PPP6R1: variants seen among roughly 807,000 people sequenced by gnomAD.
PPP6R1 encodes the protein serine/threonine-protein phosphatase 6 regulatory subunit 1.
In PPP6R1, 39 loss-of-function variants were observed where a neutral mutation model predicts 104.6. The ratio of observed to expected loss-of-function variants is 0.37; its 90% CI spans 0.29 to 0.49. PPP6R1 has a LOEUF of 0.49. Among genes scored for constraint, PPP6R1 ranks in the 20% least tolerant of loss-of-function variants. The probability of loss-of-function intolerance (pLI) is 0.98; values close to 1 mark genes in which losing one functional copy is unlikely to be tolerated. For synonymous variants in PPP6R1, 549 were observed against 479.0 expected (o/e 1.15, Z -1.91); for missense variants, 1,181 against 1,155.8 (o/e 1.02, Z -0.32).
chr19:55,240,639 A>T (rs1047997764), intron 10 of PPP6R1, among the ~76,000 whole-genome samples: 1 of 137,052 alleles, frequency 7.3e-6, no homozygotes, highest in East Asian at 2.0e-4. Context: ...ATGCTCTCAC[A>T]CACGCTTGCA....
chr19:55,237,115 A>C, intron 15 of PPP6R1, 145 bp from the exon 16 acceptor site: 1 of 827,756 alleles, frequency 1.2e-6, no homozygotes, highest in Non-Finnish European at 2.0e-6. Context: ...CACAACCCGA[A>C]CCACTGGTCC....
chr19:55,246,916 T>C lies in PPP6R1; in HGVS notation c.188A>G (p.Gln63Arg), dbSNP rs2057702138. Residue 63 changes from glutamine (Q) to arginine (R), a missense_variant, in exon 2 of 24, where the codon CAG becomes CGG. By Grantham distance (43) the Gln-to-Arg change is conservative. Coordinates refer to ENST00000412770, the MANE Select transcript of PPP6R1 (RefSeq NM_014931.4). Reference sequence around the variant, plus strand: ...CTCCTCACCGCTATCTGGCGGCTCCTGGGTGACCCAGGCCACCATTGCTTG... The same window carrying C: ...CTCCTCACCGCTATCTGGCGGCTCCCGGGTGACCCAGGCCACCATTGCTTG... ...HLQAMVAWVT[Q>R]EPPDSGEERL... 6.2e-7 allele frequency: 1 copy of C among 1,613,108 alleles called. No individual in the cohort carries two copies. Among genetic ancestry groups the C allele is most frequent in the Non-Finnish European group, 8.5e-7 (1 of 1,179,516 alleles).
rs1214493268 is a variant in PPP6R1, at chr19:55,238,362, C to G, written c.1751+1043G>C. Among the ~76,000 whole-genome samples the G allele has an allele frequency of 3.3e-5, 5 of 152,236 alleles. No individual in the cohort carries two copies. In the South Asian group the frequency reaches 1.0e-3, roughly 31 times the overall value. On this transcript the variant is annotated intron_variant, in intron 15 of 23. Coordinates refer to ENST00000412770, the MANE Select transcript of PPP6R1 (RefSeq NM_014931.4). ...GTCCAGCTGTGGACTAAGCCAGGAACAGCTGACTATCCCTCATCGTGGTGT... is the reference window on the plus strand; with the variant it reads ...GTCCAGCTGTGGACTAAGCCAGGAAGAGCTGACTATCCCTCATCGTGGTGT...
At chr19:55,238,517 C>G (rs2087419546) in intron 15 of PPP6R1, among the ~76,000 whole-genome samples, 1 of 151,722 alleles carries the variant, frequency 6.6e-6, no homozygotes, top group African/African-American at 2.4e-5. Flanking sequence ...GGGAGCAAGA[C>G]AGAGTCTCGC....
chr19:55,248,104 T>C (rs535542639), intron 1 of PPP6R1, among the ~76,000 whole-genome samples: 2 of 152,344 alleles, frequency 1.3e-5, no homozygotes, highest in East Asian at 3.9e-4. Flanking sequence ...GCCCCTGCCC[T>C]GTACTACATC....
intron 11 of PPP6R1, 42 bp downstream of exon 11, chr19:55,240,194 C>A (rs993525912): frequency 1.3e-6 from 2 of 1,566,598 alleles, no homozygotes; most frequent in Non-Finnish European, 1.7e-6. Flanking sequence ...CCCATCCAGG[C>A]AGCCCCAGCC....
At chr19:55,237,613 T>C (rs2087411270) in intron 15 of PPP6R1, among the ~76,000 whole-genome samples, 1 of 152,142 alleles carries the variant, frequency 6.6e-6, no homozygotes, top group African/African-American at 2.4e-5. Context: ...CAAAGATCAA[T>C]GGATAAAGGA....
At position 55,246,923 on chromosome 19, in the gene PPP6R1, C is replaced by T. The variant is rs2087513890; in HGVS notation, c.181G>A (p.Val61Ile). The change falls in exon 2 of 24, where the codon GTC becomes ATC. Residue 61 changes from valine to isoleucine, a missense_variant. Around this residue, in one of 2 missense-constraint regions of PPP6R1, gnomAD observed 139 missense variants for 200.1 expected, o/e 0.69. Coordinates refer to ENST00000412770, the MANE Select transcript of PPP6R1 (RefSeq NM_014931.4). ...CCGCTATCTGGCGGCTCCTGGGTGACCCAGGCCACCATTGCTTGCAGGTGG... is the reference window on the plus strand; with the variant it reads ...CCGCTATCTGGCGGCTCCTGGGTGATCCAGGCCACCATTGCTTGCAGGTGG... ...PPHLQAMVAW[V>I]TQEPPDSGEE... 1 of 1,613,390 alleles carries T rather than the reference C, an allele frequency of 6.2e-7. No homozygotes were observed. The highest frequency in any genetic ancestry group is 8.5e-7 in the Non-Finnish European group (1 of 1,179,668).
chr19:55,248,465 C>A (rs1318687335), intron 1 of PPP6R1, among the ~76,000 whole-genome samples: 1 of 152,260 alleles, frequency 6.6e-6, no homozygotes, highest in East Asian at 1.9e-4. Context: ...GCCACTGCTA[C>A]CCCCAAGTCA....
intron 17 of PPP6R1, among the ~76,000 whole-genome samples, chr19:55,234,406 T>G (rs1040009073): frequency 2.0e-5 from 3 of 152,194 alleles, no homozygotes; most frequent in Non-Finnish European, 4.4e-5. Context: ...CCAAGATGAT[T>G]CAGTGGAGAA....
chr19:55,244,979 C>T, intron 5 of PPP6R1, 141 bp downstream of exon 5: 2 of 1,276,346 alleles, frequency 1.6e-6, no homozygotes, highest in Middle Eastern at 2.6e-4. Context: ...CTCAAGTAAT[C>T]CTCCCACCTC....
In PPP6R1 at chr19:55,239,405, T is replaced by A. The variant is rs2087429112; in HGVS notation, c.1751A>T (p.Asn584Ile). 6.2e-7 allele frequency: 1 copy of A among 1,612,686 alleles called. No homozygotes were observed. The highest frequency in any genetic ancestry group is 1.1e-5 in the South Asian group (1 of 91,016). The change falls in exon 15 of 24, where the codon AAC becomes ATC. Residue 584 changes from asparagine to isoleucine, a missense_variant and splice_region_variant. Coordinates refer to ENST00000412770, the MANE Select transcript of PPP6R1 (RefSeq NM_014931.4). ...GTGACCCTGCGCAGGAGACACTCAC[T>A]TCACACTCTCCTCCTGCTCCCCAAA... Reference protein sequence around the residue: ...EEFGEQEESVNAPFDKTANIT... With the variant: ...EEFGEQEESVIAPFDKTANIT...
chr19:55,242,448 C>T lies in PPP6R1; in HGVS notation c.659G>A (p.Arg220His), dbSNP rs770402389. ...NASQSLCDII[R>H]LSREQMIQVQ... ...TTGGATCATCTGCTCCCGGCTCAGG[C>T]GGATGATGTCACACAGGGACTGGGA... Residue 220 changes from arginine (R) to histidine (H), a missense_variant, in exon 6 of 24, where the codon CGC becomes CAC. Arg to His is a conservative substitution (Grantham distance 29). Coordinates refer to ENST00000412770, the MANE Select transcript of PPP6R1 (RefSeq NM_014931.4). The T allele has an allele frequency of 4.3e-6, 7 of 1,613,838 alleles. No homozygotes were observed. The highest frequency in any genetic ancestry group is 2.7e-5 in the African/African-American group (2 of 74,934).
chr19:55,234,146 C>T (rs889120621), intron 17 of PPP6R1, among the ~76,000 whole-genome samples: 4 of 152,128 alleles, frequency 2.6e-5, no homozygotes, highest in South Asian at 2.1e-4. Flanking sequence ...GGGGTTTCAC[C>T]ATGTTGGCCA....
downstream of PPP6R1, chr19:55,228,799 AG>A: frequency 6.4e-7 from 1 of 1,569,118 alleles, no homozygotes; most frequent in Non-Finnish European, 8.7e-7. Flanking sequence ...CAGGGGGTGG[AG>A]GGGAGGGCTC....
At position 55,245,600 on chromosome 19, in the gene PPP6R1, A is replaced by G; in HGVS notation, c.306T>C (p.Leu102=). Residue 102 remains leucine (L), a synonymous_variant, in exon 3 of 24, where the codon CTT becomes CTC. Coordinates refer to ENST00000412770, the MANE Select transcript of PPP6R1 (RefSeq NM_014931.4). This position sits in a 1 kb window ranked among gnomAD's most constrained non-coding sequence, Gnocchi z 6.4. Reference sequence around the variant, plus strand: ...GCAGGAAGCCGTAGAGCCGGTTCAGAAGGGACTCATCAGCACCCAGGGCAT... The same window carrying G: ...GCAGGAAGCCGTAGAGCCGGTTCAGGAGGGACTCATCAGCACCCAGGGCAT... ...INDALGADES[L]LNRLYGFLQS... 6.2e-7 allele frequency: 1 copy of G among 1,612,818 alleles called. No homozygotes were observed. The highest frequency in any genetic ancestry group is 8.5e-7 in the Non-Finnish European group (1 of 1,179,780).
rs1367249594 is a variant in PPP6R1 at position 55,242,163 on chromosome 19, C to T, written c.845+3G>A. 1.9e-6 allele frequency: 3 copies of T among 1,611,750 alleles called. No homozygotes were observed. The highest frequency in any genetic ancestry group is 1.7e-6 in the Non-Finnish European group (2 of 1,179,534). On this transcript the variant is annotated splice_donor_region_variant and intron_variant, in intron 7 of 23. Transcript: ENST00000412770. ...TGCATGGTCTGTGGCCCGTATCCCT[C>T]ACCTCGGCCTCCTGGGCTCCAGCAG...
intron 17 of PPP6R1, among the ~76,000 whole-genome samples, chr19:55,234,766 A>C (rs1051050260): frequency 2.6e-5 from 4 of 152,238 alleles, no homozygotes; most frequent in African/African-American, 9.6e-5. Context: ...ACTGCACGAG[A>C]GCCAGGGGCA....
intron 1 of PPP6R1, among the ~76,000 whole-genome samples, chr19:55,257,717 G>C (rs1433709343): frequency 6.6e-6 from 1 of 152,174 alleles, no homozygotes; most frequent in Non-Finnish European, 1.5e-5. Context: ...CCTCGATCAC[G>C]ACACGCAGGA....
Sources: allele counts gnomAD v4.1 joint callset (sites outside exome capture counted in the v4.1 genomes callset), GRCh38; gene constraint gnomAD v4.1.1; regional missense constraint gnomAD v4.1.1; non-coding constraint Gnocchi (gnomAD v3.1); transcripts MANE v1.5; gene names NCBI Gene and HGNC (gene_info 2026-07-23, HGNC 2026-07-21).